Variants in DOCK9 observed in about 807,000 individuals in gnomAD.
DOCK9 encodes dedicator of cytokinesis 9.
DOCK9 carries 89 observed loss-of-function variants against 263.3 expected under a neutral mutation model. The ratio of observed to expected loss-of-function variants is 0.34; its 90% CI spans 0.28 to 0.40. The LOEUF (loss-of-function observed/expected upper bound fraction) is 0.40. DOCK9 is among the 10% of genes least tolerant of loss of function. DOCK9 has a pLI of 1.00. For synonymous variants in DOCK9, 976 were observed against 973.1 expected, an observed-to-expected ratio of 1.00 and a Z score of -0.06; for missense variants, 2,140 against 2,603.4, an observed-to-expected ratio of 0.82 and a Z score of 3.87.
chr13:98,794,523 C>A lies in DOCK9; in HGVS notation c.*103G>T. ...TTTATTTCCTTTCTCTCCCCTTCCC[C>A]TTGGTCCTCCCTGTGCTCGGTCTCC... On this transcript the variant is annotated 3_prime_UTR_variant, in exon 53 of 53. Coordinates refer to ENST00000682017, the MANE Select transcript of DOCK9 (RefSeq NM_001366683.2). 2 of 1,270,552 alleles carry A rather than the reference C, an allele frequency of 1.6e-6. No homozygotes were observed. Among genetic ancestry groups the A allele is most frequent in the South Asian group, 3.1e-5 (2 of 64,684 alleles). 78.7% of individuals were successfully genotyped at this position (1,270,552 alleles called of 1,614,324 possible).
chr13:98,901,018 A>G (rs1437284172), intron 13 of DOCK9, among the ~76,000 whole-genome samples: 1 of 152,176 alleles, frequency 6.6e-6, no homozygotes, highest in African/African-American at 2.4e-5. Flanking sequence ...AATATGTAAA[A>G]CTGGCAAGGA....
rs191570279 is a variant in DOCK9, at chr13:98,898,129, T to C, written c.1586+50A>G. On this transcript the variant is annotated intron_variant, in intron 14 of 52. Coordinates refer to ENST00000682017, the MANE Select transcript of DOCK9 (RefSeq NM_001366683.2). ...CAAACAGAATAGGCCTATTGACCCA[T>C]CCATGCACCTATCTATATCGATTTA... 97 of 1,334,464 alleles carry C rather than the reference T, an allele frequency of 7.3e-5. No individual in the cohort carries two copies. The Admixed American group carries it at 1.7e-3, about 23-fold the overall frequency. The allele number at this position is 1,334,464 out of a possible 1,614,324, so 82.7% of individuals were successfully genotyped here.
In DOCK9 at chr13:98,807,794, T is replaced by C; in HGVS notation, c.5381A>G (p.Asp1794Gly). The change falls in exon 48 of 53, where the codon GAT becomes GGT. Residue 1794 changes from aspartate (D) to glycine (G), a missense_variant. This residue lies in a region of DOCK9 where 619 missense variants were observed against 861.8 expected (regional missense o/e 0.72). Transcript: ENST00000682017. ...VAFFGQGFFEDEDGKEYIYKE... is the reference protein window; with the variant it reads ...VAFFGQGFFEGEDGKEYIYKE... ...GTAAATATACTCCTTTCCATCTTCA[T>C]CTTCAAAGAATCCCTGTGACATAAA... The C allele has an allele frequency of 1.2e-6, 2 of 1,610,168 alleles. No homozygotes were observed. Among genetic ancestry groups the C allele is most frequent in the Non-Finnish European group, 1.7e-6 (2 of 1,177,458 alleles).
chr13:98,999,923 AG>A (rs1331563116), intron 1 of DOCK9, among the ~76,000 whole-genome samples: 1 of 152,210 alleles, frequency 6.6e-6, no homozygotes, highest in Admixed American at 6.5e-5. Context: ...CTTGCACCAA[AG>A]TTCCCAGGCA....
chr13:98,873,390 C>T (rs1345755160), intron 27 of DOCK9, among the ~76,000 whole-genome samples: 1 of 152,240 alleles, frequency 6.6e-6, no homozygotes, highest in African/African-American at 2.4e-5. Context: ...TATGCCTCAG[C>T]CCTTTGTGAA....
At chr13:98,878,968 C>T (rs1275130013) in intron 27 of DOCK9, among the ~76,000 whole-genome samples, 2 of 152,112 alleles carry the variant, frequency 1.3e-5, no homozygotes, top group Admixed American at 6.5e-5. Flanking sequence ...GAGACAGGAC[C>T]CAGCACCACC....
chr13:98,881,747 G>T (rs2044796333), intron 24 of DOCK9, 120 bp from the exon 25 acceptor site: 1 of 1,249,886 alleles, frequency 8.0e-7, no homozygotes, highest in African/African-American at 1.5e-5. Flanking sequence ...AGGAGACAAG[G>T]AATTAGATGG....
chr13:99,023,927 T>C (rs1004431690), intron 1 of DOCK9, among the ~76,000 whole-genome samples: 1 of 152,186 alleles, frequency 6.6e-6, no homozygotes, highest in African/African-American at 2.4e-5. Flanking sequence ...TTCTGATTCA[T>C]AGACAACTTC....
chr13:99,002,343 C>T (rs565973307), intron 1 of DOCK9, among the ~76,000 whole-genome samples: 4 of 152,158 alleles, frequency 2.6e-5, no homozygotes, highest in Non-Finnish European at 4.4e-5. Context: ...TCTCAGCCCA[C>T]GTGTGCAGCT....
At chr13:98,985,759 G>A (rs750425399) in intron 1 of DOCK9, among the ~76,000 whole-genome samples, 8 of 152,130 alleles carry the variant, frequency 5.3e-5, no homozygotes, top group Non-Finnish European at 8.8e-5. Flanking sequence ...ATCTTGTTTC[G>A]CGTGATCTGT....
chr13:98,853,607 T>C (rs2093629511), intron 34 of DOCK9, 85 bp from the exon 35 acceptor site: 3 of 1,002,232 alleles, frequency 3.0e-6, no homozygotes, highest in Non-Finnish European at 4.7e-6. Context: ...AGAAAGACTC[T>C]TAGAATCAAG....
Position 98,812,161 on chromosome 13 carries a change from C to A in DOCK9, c.5131-1870G>T, listed in dbSNP as rs868164824. ...TTTTTTTTTTTTTTCGGTTTTGCTACACTTTAATGGGTTTTTTTTTTAAGG... is the reference window on the plus strand; with the variant it reads ...TTTTTTTTTTTTTTCGGTTTTGCTAAACTTTAATGGGTTTTTTTTTTAAGG... On this transcript the variant is annotated intron_variant, in intron 45 of 52. Coordinates refer to ENST00000682017, the MANE Select transcript of DOCK9 (RefSeq NM_001366683.2). Among the ~76,000 whole-genome samples, 27 of 122,692 alleles carry A rather than the reference C, an allele frequency of 2.2e-4. 1 individual carries two copies. In the South Asian group the frequency reaches 6.2e-3, roughly 28 times the overall value. 80.5% of individuals were successfully genotyped at this position (122,692 alleles called of 152,430 possible). A position where few individuals can be genotyped will look rare whatever the true frequency, so the allele number is the denominator to read the frequency against.
At chr13:98,882,174 T>C (rs568343797) in intron 23 of DOCK9, among the ~76,000 whole-genome samples, 167 bp from the exon 24 acceptor site, 1 of 152,278 alleles carries the variant, frequency 6.6e-6, no homozygotes, top group Non-Finnish European at 1.5e-5. Flanking sequence ...CCTCAGCACA[T>C]GTGAATACAT....
At chr13:98,957,559 G>GAA (rs58199053) in intron 1 of DOCK9, among the ~76,000 whole-genome samples, 1 of 145,672 alleles carries the variant, frequency 6.9e-6, no homozygotes, top group Non-Finnish European at 1.5e-5. Flanking sequence ...TTCAAAAAAG[G>GAA]AAAAAAAAAA....
chr13:98,834,360 G>A (rs944215546), intron 39 of DOCK9: 2 of 152,188 alleles, frequency 1.3e-5, no homozygotes, highest in Non-Finnish European at 2.9e-5. Context: ...TTGCAGAAGA[G>A]CCATTTCTGT....
chr13:99,034,362 T>A (rs1248904639), intron 1 of DOCK9, among the ~76,000 whole-genome samples: 1 of 152,072 alleles, frequency 6.6e-6, no homozygotes, highest in African/African-American at 2.4e-5. Context: ...TCCCAGAGAT[T>A]CCACAGCCCC....
intron 38 of DOCK9, among the ~76,000 whole-genome samples, chr13:98,840,301 C>T (rs2093163708): frequency 6.6e-6 from 1 of 152,206 alleles, no homozygotes; most frequent in African/African-American, 2.4e-5. Flanking sequence ...CACTGATTTC[C>T]ACTAGGGGGC....
At position 98,895,460 on chromosome 13, in the gene DOCK9, T is replaced by C. The variant is rs566820500; in HGVS notation, c.1709+2028A>G. ...GGCGGGCAGATCACAAGGTCAGCAGTTTGAGATCAGCCTGGCCAATATGGT... is the reference window on the plus strand; with the variant it reads ...GGCGGGCAGATCACAAGGTCAGCAGCTTGAGATCAGCCTGGCCAATATGGT... On this transcript the variant is annotated intron_variant, in intron 15 of 52. Coordinates refer to ENST00000682017, the MANE Select transcript of DOCK9 (RefSeq NM_001366683.2). 1.6e-4 allele frequency among the ~76,000 whole-genome samples: 25 copies of C among 152,010 alleles called. No homozygotes were observed. In the South Asian group the frequency reaches 5.0e-3, roughly 30 times the overall value.
At position 99,038,297 on chromosome 13, in the gene DOCK9, T is replaced by C. The variant is rs1261953640; in HGVS notation, c.129+47926A>G. Among the ~76,000 whole-genome samples, 44 of 115,492 alleles carry C rather than the reference T, an allele frequency of 3.8e-4. 2 individuals carry two copies. The highest frequency in any genetic ancestry group is 1.4e-3 in the South Asian group (4 of 2,894). The allele number at this position is 115,492 out of a possible 152,430, so 75.8% of individuals were successfully genotyped here. The stretch of plus-strand genomic sequence containing the variant: ...CTGGCTTTATGCCCCCCTTTTTTTT[T>C]TTTTTTTTTTTTTTTTTTTTTTTGG... On this transcript the variant is annotated intron_variant, in intron 1 of 32. Coordinates refer to the DOCK9 transcript ENST00000427887.
Sources: allele counts gnomAD v4.1 joint callset (sites outside exome capture counted in the v4.1 genomes callset), GRCh38; gene constraint gnomAD v4.1.1; regional missense constraint gnomAD v4.1.1; transcripts MANE v1.5; gene names NCBI Gene and HGNC (gene_info 2026-07-23, HGNC 2026-07-21).